Variants in CFAP20DC observed in about 807,000 individuals in gnomAD.
The protein encoded by CFAP20DC is CFAP20 domain containing.
A neutral mutation model predicts 101.7 loss-of-function variants in CFAP20DC; 84 were observed. The observed-to-expected ratio is 0.83, with a 90% CI of 0.69 to 0.99. CFAP20DC has a LOEUF of 0.99. CFAP20DC is among the 50% of genes least tolerant of loss of function. The pLI is 0.00. For missense variants in CFAP20DC, 1,007 were observed against 970.3 expected (o/e 1.04, Z -0.50); for synonymous variants, 359 against 351.2 (o/e 1.02, Z -0.25).
intron 4 of CFAP20DC, among the ~76,000 whole-genome samples, chr3:58,985,230 T>C (rs1298874393): frequency 2.6e-5 from 4 of 152,162 alleles, no homozygotes; most frequent in Non-Finnish European, 5.9e-5. Context: ...GCTGGGCCAA[T>C]TGTGGTTCAT....
chr3:59,000,919 T>C (rs17060004), intron 4 of CFAP20DC, among the ~76,000 whole-genome samples: 15,209 of 151,716 alleles, frequency 0.1, 2,482 homozygotes, highest in African/African-American at 0.34. Flanking sequence ...GGAAATTCAA[T>C]CATAAAAAGA....
At chr3:58,901,905 G>A (rs1175832314) in intron 6 of CFAP20DC, among the ~76,000 whole-genome samples, 1 of 152,098 alleles carries the variant, frequency 6.6e-6, no homozygotes, top group Admixed American at 6.6e-5. Flanking sequence ...TATCCATTAA[G>A]TAGCTTCTCC....
intron 12 of CFAP20DC, among the ~76,000 whole-genome samples, chr3:58,854,683 A>G (rs1394958625): frequency 6.6e-6 from 1 of 151,414 alleles, no homozygotes; most frequent in Admixed American, 6.6e-5. Context: ...ATAATGCCAC[A>G]TATCTACAAC....
intron 14 of CFAP20DC, among the ~76,000 whole-genome samples, chr3:58,808,126 T>C (rs373602486): frequency 1.3e-5 from 2 of 152,204 alleles, no homozygotes; most frequent in African/African-American, 4.8e-5. Flanking sequence ...TGGAACCAAG[T>C]TGGAAAACAC....
intron 6 of CFAP20DC, among the ~76,000 whole-genome samples, chr3:58,900,877 T>C (rs901607386): frequency 3.9e-5 from 6 of 152,356 alleles, no homozygotes; most frequent in Admixed American, 3.3e-4. Flanking sequence ...TTGAAGAGGA[T>C]CTTAACTAGC....
intron 4 of CFAP20DC, among the ~76,000 whole-genome samples, chr3:58,983,086 T>A (rs1003665256): frequency 6.6e-6 from 1 of 152,112 alleles, no homozygotes; most frequent in Non-Finnish European, 1.5e-5. Flanking sequence ...AATATTCTGA[T>A]CATGGGCCAT....
intron 6 of CFAP20DC, among the ~76,000 whole-genome samples, chr3:58,895,047 G>A (rs990391394): frequency 6.6e-5 from 10 of 152,220 alleles, no homozygotes; most frequent in African/African-American, 1.9e-4. Flanking sequence ...GTGACCCTGG[G>A]CCTGGCCCAT....
intron 14 of CFAP20DC, among the ~76,000 whole-genome samples, chr3:58,815,490 A>T (rs1279426095): frequency 6.7e-6 from 1 of 150,092 alleles, no homozygotes; most frequent in Non-Finnish European, 1.5e-5. Context: ...ATGGCAACAA[A>T]AGCCAAAATT....
intron 5 of CFAP20DC, among the ~76,000 whole-genome samples, chr3:58,928,091 T>C (rs1168438615): frequency 1.3e-5 from 2 of 152,216 alleles, no homozygotes; most frequent in African/African-American, 2.4e-5. Context: ...ACATTAAGAT[T>C]TGTCAATTTG....
At chr3:58,835,938 T>G (rs1044421169) in intron 13 of CFAP20DC, among the ~76,000 whole-genome samples, 1 of 152,202 alleles carries the variant, frequency 6.6e-6, no homozygotes, top group African/African-American at 2.4e-5. Context: ...CAAAATGTTA[T>G]GTATAATTCA....
intron 3 of CFAP20DC, among the ~76,000 whole-genome samples, chr3:58,736,964 A>G (rs575199728): frequency 2.6e-5 from 4 of 152,252 alleles, no homozygotes; most frequent in Admixed American, 6.5e-5. Context: ...CACGCAAACC[A>G]GAACCAAAAT....
At chr3:58,804,801 G>C (rs2073943327) in intron 15 of CFAP20DC, among the ~76,000 whole-genome samples, 1 of 152,178 alleles carries the variant, frequency 6.6e-6, no homozygotes, top group Non-Finnish European at 1.5e-5. Context: ...CACCTATTGA[G>C]AGATAGCTAA....
At chr3:58,812,645 T>C (rs1248678939) in intron 14 of CFAP20DC, among the ~76,000 whole-genome samples, 1 of 151,664 alleles carries the variant, frequency 6.6e-6, no homozygotes, top group Non-Finnish European at 1.5e-5. Flanking sequence ...GCATGGCACA[T>C]GTATACATGT....
intron 13 of CFAP20DC, among the ~76,000 whole-genome samples, chr3:58,839,353 G>C (rs1198704808): frequency 6.6e-6 from 1 of 152,132 alleles, no homozygotes; most frequent in Non-Finnish European, 1.5e-5. Context: ...TCTGCTTCCT[G>C]TCTGTCAAAG....
intron 14 of CFAP20DC, among the ~76,000 whole-genome samples, chr3:58,811,118 G>T (rs2074589065): frequency 6.6e-6 from 1 of 152,066 alleles, no homozygotes; most frequent in African/African-American, 2.4e-5. Flanking sequence ...TCGTGAAAAT[G>T]GCCATACTGC....
intron 3 of CFAP20DC, among the ~76,000 whole-genome samples, chr3:58,725,632 C>A (rs2067538438): frequency 6.6e-6 from 1 of 151,998 alleles, no homozygotes; most frequent in Non-Finnish European, 1.5e-5. Flanking sequence ...CCTCCACAAA[C>A]AAAGGTGAAA....
intron 15 of CFAP20DC, among the ~76,000 whole-genome samples, chr3:58,777,960 T>A (rs1395110393): frequency 6.6e-6 from 1 of 152,216 alleles, no homozygotes; most frequent in Non-Finnish European, 1.5e-5. Flanking sequence ...TGTCCTACTC[T>A]GCCACTGGGG....
intron 12 of CFAP20DC, among the ~76,000 whole-genome samples, chr3:58,855,069 AT>A (rs1438308343): frequency 6.7e-6 from 1 of 149,228 alleles, no homozygotes; most frequent in African/African-American, 2.5e-5. Flanking sequence ...ATGGGAGAAA[AT>A]TTTCGCAACC....
intron 4 of CFAP20DC, among the ~76,000 whole-genome samples, chr3:58,979,081 A>T (rs1213131820): frequency 6.6e-6 from 1 of 152,200 alleles, no homozygotes; most frequent in Non-Finnish European, 1.5e-5. Context: ...GTCCCAGAAG[A>T]TTGATTCTTT....
Sources: allele counts gnomAD v4.1 joint callset (sites outside exome capture counted in the v4.1 genomes callset), GRCh38; gene constraint gnomAD v4.1.1; transcripts MANE v1.5; gene names NCBI Gene and HGNC (gene_info 2026-07-23, HGNC 2026-07-21).